LARP4B: variants seen among roughly 807,000 people sequenced by gnomAD.
LARP4B encodes la-related protein 4B.
Under a neutral mutation model 89.8 loss-of-function variants are expected in LARP4B, and 12 were observed. The ratio of observed to expected loss-of-function variants is 0.13; its 90% CI spans 0.09 to 0.22. The LOEUF is 0.22. Among genes scored for constraint, LARP4B ranks in the 10% least tolerant of loss-of-function variants. The pLI is 1.00. For missense variants in LARP4B, 757 were observed against 947.7 expected (o/e 0.80, Z 2.64); for synonymous variants, 367 against 363.3 (o/e 1.01, Z -0.12).
At chr10:923,855 C>A (rs1445965788) in intron 1 of LARP4B, among the ~76,000 whole-genome samples, 1 of 152,132 alleles carries the variant, frequency 6.6e-6, no homozygotes, top group Non-Finnish European at 1.5e-5. Flanking sequence ...TTCAGAGACA[C>A]TCCTAAAAAA....
chr10:977,008 G>A, the LARP4B span, among the ~76,000 whole-genome samples: 1 of 152,202 alleles, frequency 6.6e-6, no homozygotes, highest in Admixed American at 6.5e-5. Context: ...CATGTAATGT[G>A]TGGAACTCGC....
At chr10:881,112 G>A (rs1435383313) in intron 3 of LARP4B, among the ~76,000 whole-genome samples, 1 of 152,278 alleles carries the variant, frequency 6.6e-6, no homozygotes, top group African/African-American at 2.4e-5. Flanking sequence ...AGTTTGTGGC[G>A]CTAACAGGGA....
intron 1 of LARP4B, among the ~76,000 whole-genome samples, chr10:914,772 G>C (rs914407236): frequency 1.1e-4 from 16 of 151,378 alleles, no homozygotes; most frequent in Admixed American, 7.9e-4. Context: ...CTGCACTCCA[G>C]CCTGTGCTAC....
intron 1 of LARP4B, among the ~76,000 whole-genome samples, chr10:902,971 T>C (rs1836386055): frequency 6.6e-6 from 1 of 152,224 alleles, no homozygotes; most frequent in Non-Finnish European, 1.5e-5. Context: ...GATGTTAAAT[T>C]ACCTGGTTGA....
At chr10:864,076 C>T (rs1221001519) in intron 4 of LARP4B, 47 bp downstream of exon 4, 2 of 1,609,214 alleles carry the variant, frequency 1.2e-6, no homozygotes, top group Non-Finnish European at 1.7e-6. Flanking sequence ...AACAAAAGCA[C>T]AGGCCTGAAA....
the LARP4B span, among the ~76,000 whole-genome samples, chr10:964,489 G>A: frequency 6.6e-6 from 1 of 152,110 alleles, no homozygotes; most frequent in Non-Finnish European, 1.5e-5. Context: ...AAGGATAGAC[G>A]AAGGAACCTG....
At chr10:903,517 C>G (rs1251963088) in intron 1 of LARP4B, 4 of 152,182 alleles carry the variant, frequency 2.6e-5, no homozygotes, top group Non-Finnish European at 5.9e-5. Context: ...TCATTTACAT[C>G]TGAAAACAAA....
intron 1 of LARP4B, among the ~76,000 whole-genome samples, chr10:918,894 G>T (rs1836901771): frequency 1.3e-5 from 2 of 151,738 alleles, no homozygotes; most frequent in Admixed American, 1.3e-4. Flanking sequence ...GGCTAACACG[G>T]TGAAACCCCA....
At chr10:882,736 A>G (rs540700673) in intron 3 of LARP4B, among the ~76,000 whole-genome samples, 33 of 152,362 alleles carry the variant, frequency 2.2e-4, no homozygotes, top group South Asian at 1.7e-3. Flanking sequence ...TAATAAATAC[A>G]ACTAAATAGT....
chr10:964,653 T>G, the LARP4B span, among the ~76,000 whole-genome samples: 1 of 152,046 alleles, frequency 6.6e-6, no homozygotes, highest in Non-Finnish European at 1.5e-5. Flanking sequence ...AAACGCAGGG[T>G]CCAAGCCTAA....
At chr10:921,993 C>G (rs1170657837) in intron 1 of LARP4B, among the ~76,000 whole-genome samples, 1 of 152,126 alleles carries the variant, frequency 6.6e-6, no homozygotes, top group Non-Finnish European at 1.5e-5. Context: ...GGTCAGTACT[C>G]CAAGTCAGCG....
chr10:892,600 C>T (rs12267709), intron 1 of LARP4B, among the ~76,000 whole-genome samples: 23,114 of 151,392 alleles, frequency 0.15, 1,923 homozygotes, highest in Non-Finnish European at 0.19. Context: ...AGTGCAGTGG[C>T]GCGATCTCAG....
Position 823,510 on chromosome 10 carries a change from C to G in LARP4B, c.1484+1555G>C, listed in dbSNP as rs1239897318. On this transcript the variant is annotated intron_variant, in intron 13 of 17. Coordinates refer to ENST00000316157, the MANE Select transcript of LARP4B (RefSeq NM_015155.3). ...ATTTTGTGAGGTAGCTGGAATTCAA[C>G]AAGCCCCACTTTCATTTGCCAGGAA... Among the ~76,000 whole-genome samples, 5 of 152,102 alleles carry G rather than the reference C, an allele frequency of 3.3e-5. No homozygotes were observed. In the East Asian group the frequency reaches 9.6e-4, roughly 29 times the overall value.
upstream of LARP4B, among the ~76,000 whole-genome samples, chr10:935,592 G>T (rs1388721511): frequency 1.3e-5 from 2 of 152,196 alleles, no homozygotes. Context: ...AAGGGCAGAG[G>T]CAGCGAGGGC....
intron 3 of LARP4B, among the ~76,000 whole-genome samples, chr10:866,512 C>G (rs758483485): frequency 2.2e-4 from 33 of 152,226 alleles, no homozygotes; most frequent in Non-Finnish European, 3.4e-4. Flanking sequence ...CACAGGTCAC[C>G]CACAACACTG....
chr10:901,103 T>C (rs1300344023), intron 1 of LARP4B, among the ~76,000 whole-genome samples: 4 of 132,934 alleles, frequency 3.0e-5, no homozygotes, highest in African/African-American at 5.8e-5. Context: ...GTATTGTTAG[T>C]AGAGACGAGG....
At chr10:859,719 C>T (rs1834493293) in intron 5 of LARP4B, among the ~76,000 whole-genome samples, 1 of 152,078 alleles carries the variant, frequency 6.6e-6, no homozygotes, top group Non-Finnish European at 1.5e-5. Flanking sequence ...AGTTATCAAG[C>T]CTTGAAGACA....
chr10:845,762 T>C (rs7914758), intron 5 of LARP4B, among the ~76,000 whole-genome samples: 16,785 of 152,264 alleles, frequency 0.11, 1,181 homozygotes, highest in Non-Finnish European at 0.16. Context: ...GGACACTGCA[T>C]AAAGAGGTAT....
intron 3 of LARP4B, among the ~76,000 whole-genome samples, chr10:875,472 C>T (rs1290183925): frequency 1.3e-5 from 2 of 152,212 alleles, no homozygotes; most frequent in Non-Finnish European, 2.9e-5. Flanking sequence ...AGCACACTGC[C>T]TCAATGTTGT....
Sources: gnomAD v4.1 joint callset for allele counts (sites outside exome capture counted in the v4.1 genomes callset) on GRCh38, gnomAD v4.1.1 for gene constraint, MANE v1.5 for transcripts, NCBI Gene and HGNC (gene_info 2026-07-23, HGNC 2026-07-21) for gene names.